The following PRKG1 variants were observed in gnomAD, a reference collection of about 807,000 sequenced individuals.
PRKG1 encodes the protein cGMP-dependent protein kinase 1.
A neutral mutation model predicts 88.1 loss-of-function variants in PRKG1; 35 were observed. That is an observed-to-expected ratio of 0.40 (90% confidence interval 0.30 to 0.53). The LOEUF is 0.53. Ranked by LOEUF, PRKG1 falls within the 20% of genes least tolerant of loss-of-function variation. PRKG1 has a pLI of 0.59. For synonymous variants in PRKG1, 303 were observed against 292.5 expected, an observed-to-expected ratio of 1.04 and a Z score of -0.37; for missense variants, 540 against 839.8, an observed-to-expected ratio of 0.64 and a Z score of 4.41.
intron 3 of PRKG1, among the ~76,000 whole-genome samples, chr10:51,530,951 A>G (rs530634529): frequency 6.6e-6 from 1 of 152,204 alleles, no homozygotes; most frequent in Admixed American, 6.5e-5. Flanking sequence ...AATTGCAATA[A>G]ATTTCTATTT....
rs536800068 is a variant in PRKG1, at chr10:51,954,537, C to T, written c.762+46967C>T. ...GTTGTTAGATTCAGTTTGTTTACCA[C>T]ACTTGAAATGCTTTGTATTTGCATG... On this transcript the variant is annotated intron_variant, in intron 5 of 17. Coordinates refer to ENST00000373980, the MANE Select transcript of PRKG1 (RefSeq NM_006258.4). Among the ~76,000 whole-genome samples, 59 of 152,288 alleles carry T rather than the reference C, an allele frequency of 3.9e-4. 1 individual carries two copies. The South Asian group carries it at 0.012, about 30-fold the overall frequency.
chr10:51,575,839 T>A (rs2132175993), intron 3 of PRKG1, among the ~76,000 whole-genome samples: 1 of 151,998 alleles, frequency 6.6e-6, no homozygotes, highest in African/African-American at 2.4e-5. Flanking sequence ...AGAACAATTT[T>A]AAAAATAGAT....
chr10:51,387,010 T>C (rs1246543169), intron 2 of PRKG1, among the ~76,000 whole-genome samples: 1 of 152,198 alleles, frequency 6.6e-6, no homozygotes, highest in Non-Finnish European at 1.5e-5. Context: ...CTATTGATAC[T>C]AGTATATTTA....
chr10:51,604,420 A>G (rs1440964490), intron 3 of PRKG1, among the ~76,000 whole-genome samples: 1 of 152,208 alleles, frequency 6.6e-6, no homozygotes, highest in Admixed American at 6.5e-5. Flanking sequence ...CATGTATTAC[A>G]ATAAATAACT....
intron 9 of PRKG1, among the ~76,000 whole-genome samples, chr10:52,168,954 C>T: frequency 6.6e-6 from 1 of 152,024 alleles, no homozygotes; most frequent in East Asian, 1.9e-4. Context: ...TATGGTTAGG[C>T]AGGTCTGGTG....
At chr10:51,830,785 C>G (rs1839987264) in intron 4 of PRKG1, among the ~76,000 whole-genome samples, 2 of 151,990 alleles carry the variant, frequency 1.3e-5, no homozygotes, top group Non-Finnish European at 2.9e-5. Flanking sequence ...TGGTCTCGAA[C>G]TGCTGACCTC....
chr10:52,137,710 G>A (rs10762579), intron 8 of PRKG1, among the ~76,000 whole-genome samples: 10,333 of 151,990 alleles, frequency 0.068, 590 homozygotes, highest in East Asian at 0.35. Flanking sequence ...AGGAAATTAC[G>A]AGAAAAAAAT....
chr10:51,580,737 A>G (rs1304511969), intron 3 of PRKG1, among the ~76,000 whole-genome samples: 1 of 152,134 alleles, frequency 6.6e-6, no homozygotes, highest in African/African-American at 2.4e-5. Context: ...ATATTATGCA[A>G]CTATGCTTTT....
At chr10:51,021,185 C>G (rs1843132283) in intron 1 of PRKG1, among the ~76,000 whole-genome samples, 1 of 152,054 alleles carries the variant, frequency 6.6e-6, no homozygotes, top group Non-Finnish European at 1.5e-5. Context: ...TTTGCAGGTT[C>G]CTGGAAAAGT....
intron 17 of PRKG1, among the ~76,000 whole-genome samples, chr10:52,291,075 A>G (rs868404438): frequency 6.6e-6 from 1 of 151,434 alleles, no homozygotes; most frequent in South Asian, 2.1e-4. Flanking sequence ...GGCAAGTGCC[A>G]CCACTCCCAG....
chr10:51,702,886 G>A lies in PRKG1; in HGVS notation c.593-101699G>A, dbSNP rs149263566. On this transcript the variant is annotated intron_variant, in intron 3 of 17. Transcript: ENST00000373980. ...TTTTTTGTGCGTTTTGTAGAGACGG[G>A]GTTTCACCGTGTTGGCCAGGCTGGT... Among the ~76,000 whole-genome samples, 104 of 152,038 alleles carry A rather than the reference G, an allele frequency of 6.8e-4. 2 individuals carry two copies. In the East Asian group the frequency reaches 9.9e-3, roughly 14 times the overall value.
chr10:51,867,742 T>C (rs1399626081), intron 4 of PRKG1, among the ~76,000 whole-genome samples: 6 of 152,118 alleles, frequency 3.9e-5, no homozygotes, highest in Non-Finnish European at 5.9e-5. Context: ...CCTCTTCTGA[T>C]AATGTTATGA....
At chr10:51,409,703 A>G (rs1838023113) in intron 2 of PRKG1, among the ~76,000 whole-genome samples, 1 of 151,790 alleles carries the variant, frequency 6.6e-6, no homozygotes, top group Admixed American at 6.6e-5. Context: ...AAATGCAAAA[A>G]AATTAGCTGG....
intron 2 of PRKG1, among the ~76,000 whole-genome samples, chr10:51,387,538 A>G (rs1055372284): frequency 6.6e-6 from 1 of 151,954 alleles, no homozygotes; most frequent in African/African-American, 2.4e-5. Flanking sequence ...CTACCTGTTT[A>G]TTGCCAACCC....
chr10:51,846,866 A>G (rs1840411673), intron 4 of PRKG1, among the ~76,000 whole-genome samples: 1 of 152,182 alleles, frequency 6.6e-6, no homozygotes, highest in African/African-American at 2.4e-5. Flanking sequence ...GGGAATATCT[A>G]TCTTGAAATT....
chr10:51,089,202 G>A lies in PRKG1; in HGVS notation c.311+14301G>A, dbSNP rs372267867. ...CAGTTGTTCTCCAACTCTAATAAAT[G>A]TGTAATCCCAAACTCTGCAACATAA... is the stretch of plus-strand genomic sequence containing the variant. On this transcript the variant is annotated intron_variant, in intron 1 of 17. Coordinates refer to ENST00000373980, the MANE Select transcript of PRKG1 (RefSeq NM_006258.4). Among the ~76,000 whole-genome samples, 13 of 152,208 alleles carry A rather than the reference G, an allele frequency of 8.5e-5. No individual in the cohort carries two copies. In the East Asian group the frequency reaches 2.5e-3, roughly 29 times the overall value.
At position 51,757,828 on chromosome 10, in the gene PRKG1, G is replaced by A. The variant is rs534228649; in HGVS notation, c.593-46757G>A. On this transcript the variant is annotated intron_variant, in intron 3 of 17. Coordinates refer to ENST00000373980, the MANE Select transcript of PRKG1 (RefSeq NM_006258.4). ...GTTTCTCCTTTTTATATGGCTAATA[G>A]AAAAGATAAAATTAAACCTTTGGCT... Among the ~76,000 whole-genome samples the A allele has an allele frequency of 6.6e-5, 10 of 152,136 alleles. No individual in the cohort carries two copies. In the South Asian group the frequency reaches 1.5e-3, roughly 22 times the overall value.
At chr10:52,103,503 TCTTTATGA>T (rs1334670811) in intron 7 of PRKG1, among the ~76,000 whole-genome samples, 1 of 152,180 alleles carries the variant, frequency 6.6e-6, no homozygotes, top group Non-Finnish European at 1.5e-5. Context: ...TATTTTCTTT[TCTTTATGA>T]CTTTAACAGC....
At chr10:51,272,712 C>T (rs1331598251) in intron 2 of PRKG1, among the ~76,000 whole-genome samples, 1 of 152,106 alleles carries the variant, frequency 6.6e-6, no homozygotes, top group African/African-American at 2.4e-5. Flanking sequence ...TTGTCTTAGT[C>T]TTGGAAATCT....
Sources: gnomAD v4.1 joint callset for allele counts (sites outside exome capture counted in the v4.1 genomes callset) on GRCh38, gnomAD v4.1.1 for gene constraint, MANE v1.5 for transcripts, NCBI Gene and HGNC (gene_info 2026-07-23, HGNC 2026-07-21) for gene names.